MARF1: variants seen among roughly 807,000 people sequenced by gnomAD.
The protein encoded by MARF1 is limkain-b1.
Under a neutral mutation model 168.2 loss-of-function variants are expected in MARF1, and 24 were observed. That is an observed-to-expected ratio of 0.14 (90% CI 0.10 to 0.20). The LOEUF (loss-of-function observed/expected upper bound fraction) is 0.20. MARF1 is among the 10% of genes least tolerant of loss of function. The pLI is 1.00. For missense variants in MARF1, 1,744 were observed against 2,143.6 expected, an observed-to-expected ratio of 0.81 and a Z score of 3.68; for synonymous variants, 868 against 822.4, an observed-to-expected ratio of 1.06 and a Z score of -0.95.
In MARF1 at chr16:15,616,893, G is replaced by T. The variant is rs992385291; in HGVS notation, c.3077+159C>A. The T allele has an allele frequency of 8.8e-6, 9 of 1,028,374 alleles. No homozygotes were observed. The African/African-American group carries it at 1.3e-4, about 15-fold the overall frequency. 63.7% of individuals were successfully genotyped at this position (1,028,374 alleles called of 1,614,324 possible). On this transcript the variant is annotated intron_variant, in intron 15 of 26. Transcript: ENST00000396368. ...ACAGTCCATGGTTGGCCAAAATTTT[G>T]TTATGTGGTGCATGACTGTACTTTG...
intron 1 of MARF1, among the ~76,000 whole-genome samples, chr16:15,639,818 GC>G (rs1186811227): frequency 6.6e-6 from 1 of 152,226 alleles, no homozygotes; most frequent in Non-Finnish European, 1.5e-5. Flanking sequence ...GACTGTTTAT[GC>G]TTAAAATCTA....
intron 5 of MARF1, 89 bp downstream of exon 5, chr16:15,633,528 A>T (rs958649234): frequency 9.9e-7 from 1 of 1,014,172 alleles, no homozygotes. Context: ...CCTGGGTGAC[A>T]CTTAGACTCT....
At chr16:15,622,643 A>G (rs1217565118) in intron 11 of MARF1, among the ~76,000 whole-genome samples, 1 of 152,154 alleles carries the variant, frequency 6.6e-6, no homozygotes, top group Admixed American at 6.5e-5. Context: ...TTGGCCTCCC[A>G]AAGTGCTGGA....
intron 7 of MARF1, among the ~76,000 whole-genome samples, chr16:15,629,124 T>A (rs1371853760): frequency 6.6e-6 from 1 of 150,608 alleles, no homozygotes; most frequent in Admixed American, 6.6e-5. Context: ...AACCTTCACC[T>A]CCCAGGAAAA....
chr16:15,602,869 G>A (rs1422307104), intron 22 of MARF1: 3 of 294,558 alleles, frequency 1.0e-5, no homozygotes, highest in Admixed American at 4.9e-5. Flanking sequence ...AAGAAACACT[G>A]TGATAAGAGG....
chr16:15,613,793 G>A (rs144099601), intron 16 of MARF1, among the ~76,000 whole-genome samples: 4 of 152,296 alleles, frequency 2.6e-5, no homozygotes, highest in East Asian at 1.9e-4. Context: ...AAGACAGAGG[G>A]AAAAGAAAGG....
intron 16 of MARF1, 70 bp from the exon 17 acceptor site, chr16:15,612,847 C>T: frequency 7.7e-7 from 1 of 1,301,574 alleles, no homozygotes; most frequent in East Asian, 2.3e-5. Flanking sequence ...GAAAATGGCC[C>T]TGCAGTCCCT....
rs1345246321 is a variant in MARF1 at position 15,624,748 on chromosome 16, G to T, written c.2270+21C>A. ...TCCTATTACATGTAACCACCCCCAT[G>T]GGTCAAGAAGCTGGACTCACCTAGA... On this transcript the variant is annotated intron_variant, in intron 10 of 26. Coordinates refer to ENST00000396368, the MANE Select transcript of MARF1 (RefSeq NM_014647.4). The T allele has an allele frequency of 1.9e-6, 3 of 1,607,420 alleles. No individual in the cohort carries two copies. In the South Asian group the frequency reaches 3.3e-5, roughly 18 times the overall value.
chr16:15,620,574 A>T, intron 12 of MARF1, 43 bp from the exon 13 acceptor site: 1 of 1,257,382 alleles, frequency 8.0e-7, no homozygotes, highest in Non-Finnish European at 1.1e-6. Context: ...CATTTCCTCC[A>T]TATTACAAGT....
chr16:15,641,814 G>T (rs2035988930), intron 1 of MARF1, among the ~76,000 whole-genome samples: 1 of 152,150 alleles, frequency 6.6e-6, no homozygotes, highest in Non-Finnish European at 1.5e-5. Flanking sequence ...CAATACAAGC[G>T]ATTAAAAGTA....
intron 15 of MARF1, 155 bp downstream of exon 15, chr16:15,616,897 T>G: frequency 2.8e-6 from 3 of 1,065,734 alleles, no homozygotes; most frequent in Non-Finnish European, 4.1e-6. Flanking sequence ...AATTTTGTTA[T>G]GTGGTGCATG....
intron 17 of MARF1, 152 bp downstream of exon 17, chr16:15,612,405 G>A (rs1196243099): frequency 3.0e-6 from 2 of 671,356 alleles, no homozygotes; most frequent in South Asian, 3.5e-5. Flanking sequence ...AGCCGCCTGT[G>A]TGTGTTATTC....
At chr16:15,638,962 T>C (rs2035772805) in intron 2 of MARF1, 128 bp downstream of exon 2, 1 of 876,966 alleles carries the variant, frequency 1.1e-6, no homozygotes, top group African/African-American at 1.7e-5. Context: ...TAAGAGGCAA[T>C]ACAGGCAAGA....
At chr16:15,631,256 C>G in intron 6 of MARF1, 125 bp downstream of exon 6, 1 of 624,086 alleles carries the variant, frequency 1.6e-6, no homozygotes. Flanking sequence ...CAACAATAAC[C>G]ATAAACATGT....
chr16:15,616,032 A>G, intron 15 of MARF1, 27 bp from the exon 16 acceptor site: 2 of 1,446,826 alleles, frequency 1.4e-6, no homozygotes, highest in Non-Finnish European at 1.8e-6. Flanking sequence ...CAACAAAAAA[A>G]GGAAAGGTTA....
In MARF1 at chr16:15,595,260, T is replaced by C. The variant is rs997734074; in HGVS notation, c.*1433A>G. On this transcript the variant is annotated 3_prime_UTR_variant, in exon 27 of 27. Coordinates refer to ENST00000396368, the MANE Select transcript of MARF1 (RefSeq NM_014647.4). ...TTTAAAAGATTTGGGGAACAAAAAA[T>C]CTGACTTGTAAAAATCTCTCTATAG... 2 of 152,566 alleles carry C rather than the reference T, an allele frequency of 1.3e-5. No homozygotes were observed. The highest frequency in any genetic ancestry group is 2.9e-5 in the Non-Finnish European group (2 of 68,016). 9.5% of individuals were successfully genotyped at this position (152,566 alleles called of 1,614,324 possible).
chr16:15,596,948 A>G lies in MARF1; in HGVS notation c.4985-11T>C. 6.3e-7 allele frequency: 1 copy of G among 1,590,308 alleles called. No individual in the cohort carries two copies. The highest frequency in any genetic ancestry group is 8.6e-7 in the Non-Finnish European group (1 of 1,163,822). On this transcript the variant is annotated splice_polypyrimidine_tract_variant and intron_variant, in intron 26 of 26. Coordinates refer to ENST00000396368, the MANE Select transcript of MARF1 (RefSeq NM_014647.4). ...TTAAAATCATAATTTCTGTAAACACAGAAAAGCAAACAGATTCAGATCCAG... is the reference window on the plus strand; with the variant it reads ...TTAAAATCATAATTTCTGTAAACACGGAAAAGCAAACAGATTCAGATCCAG...
chr16:15,597,837 G>T (rs2062533), intron 26 of MARF1, among the ~76,000 whole-genome samples: 2 of 152,200 alleles, frequency 1.3e-5, no homozygotes, highest in Admixed American at 1.3e-4. Context: ...CCAACCCTAG[G>T]GGGGCACTGC....
intron 20 of MARF1, chr16:15,608,810 G>C: frequency 2.4e-6 from 1 of 417,120 alleles, no homozygotes; most frequent in African/African-American, 2.0e-5. Flanking sequence ...AGTAAAAAAA[G>C]AAAATAAAAT....
Sources: gnomAD v4.1 joint callset for allele counts (sites outside exome capture counted in the v4.1 genomes callset) on GRCh38, gnomAD v4.1.1 for gene constraint, MANE v1.5 for transcripts, NCBI Gene and HGNC (gene_info 2026-07-23, HGNC 2026-07-21) for gene names.